BRD4: variants seen among roughly 807,000 people sequenced by gnomAD.
BRD4 encodes bromodomain containing 4.
In BRD4, 16 loss-of-function variants were observed where a neutral mutation model predicts 142.1. That is an observed-to-expected ratio of 0.11 (90% CI 0.08 to 0.17). BRD4 has a LOEUF of 0.17. Among genes scored for constraint, BRD4 ranks in the 10% least tolerant of loss-of-function variants. The pLI, the probability that BRD4 is intolerant of heterozygous loss-of-function variation, is 1.00. For synonymous variants in BRD4, 833 were observed against 707.5 expected (o/e 1.18, Z -2.82); for missense variants, 1,424 against 1,810.9 (o/e 0.79, Z 3.88).
chr19:15,267,382 G>C (rs1771313291), intron 4 of BRD4, 34 bp downstream of exon 4: 1 of 1,607,900 alleles, frequency 6.2e-7, no homozygotes, highest in East Asian at 2.2e-5. Flanking sequence ...AGGTCGGGGA[G>C]AAAGCCAATT....
Position 15,243,416 on chromosome 19 carries a change from C to A in BRD4, c.2653G>T (p.Ala885Ser), listed in dbSNP as rs769217775. The A allele has an allele frequency of 1.3e-6, 2 of 1,559,668 alleles. No homozygotes were observed. The highest frequency in any genetic ancestry group is 1.7e-6 in the Non-Finnish European group (2 of 1,155,904). The change falls in exon 14 of 20, where the codon GCC (alanine) becomes TCC (serine). Residue 885 changes from alanine (A) to serine (S), a missense_variant. By Grantham distance (99) the Ala-to-Ser change is moderately conservative (BLOSUM62 1). Transcript: ENST00000679869. ...NRAAALPPKP[A>S]RPPAVSPALT... Reference sequence around the variant, plus strand: ...GCTGGTGACACGGCTGGGGGCCGGGCGGGCTTGGGAGGCAGGGCAGCGGCT... The same window carrying A: ...GCTGGTGACACGGCTGGGGGCCGGGAGGGCTTGGGAGGCAGGGCAGCGGCT...
At chr19:15,251,829 T>C (rs1254524313) in intron 11 of BRD4, among the ~76,000 whole-genome samples, 2 of 152,128 alleles carry the variant, frequency 1.3e-5, no homozygotes, top group Admixed American at 6.5e-5. Context: ...AAGCCCCTGC[T>C]GGCCAGGATT....
intron 7 of BRD4, among the ~76,000 whole-genome samples, chr19:15,258,135 A>G (rs1212992713): frequency 6.6e-6 from 1 of 152,222 alleles, no homozygotes; most frequent in Non-Finnish European, 1.5e-5. Flanking sequence ...GTGGAAACAC[A>G]CCATGGCAAA....
Position 15,243,502 on chromosome 19 carries a change from C to A in BRD4, c.2582-15G>T. 3 of 1,542,198 alleles carry A rather than the reference C, an allele frequency of 1.9e-6. No individual in the cohort carries two copies. The highest frequency in any genetic ancestry group is 2.5e-5 in the South Asian group (2 of 79,306). On this transcript the variant is annotated splice_polypyrimidine_tract_variant and intron_variant, in intron 13 of 19. Transcript: ENST00000679869. ...GTTGTGCAAAGCTGGAAGAACACAA[C>A]ACCGAGGCGGTGAGGCCTGAGCACC... is the stretch of plus-strand genomic sequence containing the variant.
In BRD4 at chr19:15,255,559, G is replaced by T. The variant is rs772749936; in HGVS notation, c.1785C>A (p.Pro595=). The T allele has an allele frequency of 6.2e-7, 1 of 1,609,656 alleles. No individual in the cohort carries two copies. Among genetic ancestry groups the T allele is most frequent in the Non-Finnish European group, 8.5e-7 (1 of 1,176,224 alleles). The part of the protein sequence containing the change: ...KKEPAPMKSK[P]PPTYESEEED... ...CTTCCTCCGACTCATACGTGGGAGG[G>T]GGCTTGCTCTTCATGGGCGCTGGCT... Residue 595 remains proline (P), a synonymous_variant, in exon 10 of 20, where the codon CCC becomes CCA. Coordinates refer to ENST00000679869, the MANE Select transcript of BRD4 (RefSeq NM_001379291.1).
At chr19:15,296,944 C>A (rs1568402355) in intron 1 of BRD4, among the ~76,000 whole-genome samples, 1 of 152,098 alleles carries the variant, frequency 6.6e-6, no homozygotes, top group Non-Finnish European at 1.5e-5. Context: ...CCAACAGCCA[C>A]CACATGAAAC....
rs2047396651 is a variant in BRD4 at position 15,255,362 on chromosome 19, G to A, written c.1982C>T (p.Pro661Leu). ...EIEIDFETLK[P>L]STLRELERYV... ...GCGCTCCAGCTCACGCAGTGTGGAC[G>A]GCTTCAGGGTCTCAAAGTCGATTTC... The change falls in exon 10 of 20, where the codon CCG becomes CTG. Residue 661 changes from proline (P) to leucine (L), a missense_variant. By Grantham distance (98) the Pro-to-Leu change is moderately conservative. Around this residue, in one of 16 missense-constraint regions of BRD4, gnomAD observed 46 missense variants for 110.4 expected, o/e 0.42. Transcript: ENST00000679869. 3 of 1,613,968 alleles carry A rather than the reference G, an allele frequency of 1.9e-6. No homozygotes were observed. The highest frequency in any genetic ancestry group is 1.3e-5 in the African/African-American group (1 of 74,888).
At chr19:15,281,138 C>T (rs986501705) in intron 1 of BRD4, among the ~76,000 whole-genome samples, 2 of 152,216 alleles carry the variant, frequency 1.3e-5, no homozygotes, top group Non-Finnish European at 1.5e-5. Flanking sequence ...CAGACTGCGC[C>T]GCCTGGAGCC....
intron 11 of BRD4, chr19:15,247,280 C>T: frequency 4.3e-6 from 1 of 232,508 alleles, no homozygotes; most frequent in South Asian, 1.8e-4. Flanking sequence ...TCCCGCCCCT[C>T]CTCAGGACCC....
At chr19:15,312,586 C>T (rs146522209) in intron 1 of BRD4, among the ~76,000 whole-genome samples, 10 of 151,554 alleles carry the variant, frequency 6.6e-5, no homozygotes, top group African/African-American at 2.2e-4. Context: ...GAGCCGAGAT[C>T]GCACCATTGC....
At chr19:15,285,403 AGGCTT>A (rs1189490456) in intron 1 of BRD4, among the ~76,000 whole-genome samples, 5 of 152,206 alleles carry the variant, frequency 3.3e-5, no homozygotes, top group Non-Finnish European at 2.9e-5. Flanking sequence ...AAGATTAGCC[AGGCTT>A]GGTGGTGCAC....
At chr19:15,268,761 C>T (rs1207642906) in intron 3 of BRD4, 144 bp downstream of exon 3, 1 of 857,260 alleles carries the variant, frequency 1.2e-6, no homozygotes, top group East Asian at 2.7e-5. Context: ...GGTCTCATTA[C>T]CTCTACCTCC....
intron 1 of BRD4, among the ~76,000 whole-genome samples, chr19:15,306,064 T>C (rs1004092022): frequency 6.6e-6 from 1 of 152,238 alleles, no homozygotes; most frequent in African/African-American, 2.4e-5. Context: ...TAGATTAGGC[T>C]TTGGCTTAAG....
At chr19:15,290,328 G>C (rs1480132564) in intron 1 of BRD4, among the ~76,000 whole-genome samples, 1 of 152,176 alleles carries the variant, frequency 6.6e-6, no homozygotes, top group Non-Finnish European at 1.5e-5. Context: ...ACGCAGCACT[G>C]ACTTAGAATG....
At chr19:15,283,397 A>C (rs973282262) in intron 1 of BRD4, among the ~76,000 whole-genome samples, 1 of 152,194 alleles carries the variant, frequency 6.6e-6, no homozygotes, top group Non-Finnish European at 1.5e-5. Flanking sequence ...AAAGCATAAA[A>C]ACTAAGCTTA....
Position 15,267,568 on chromosome 19 carries a change from A to G in BRD4, c.424-17T>C. 1.2e-6 allele frequency: 2 copies of G among 1,611,214 alleles called. No homozygotes were observed. The highest frequency in any genetic ancestry group is 1.7e-6 in the Non-Finnish European group (2 of 1,179,638). On this transcript the variant is annotated splice_polypyrimidine_tract_variant and intron_variant, in intron 3 of 19. Coordinates refer to ENST00000679869, the MANE Select transcript of BRD4 (RefSeq NM_001379291.1). Reference sequence around the variant, plus strand: ...ATCTCCAGGCTGGATAAGGAGACACAGGGGTAGAGTCAGAGGGCCCTCCCC... The same window carrying G: ...ATCTCCAGGCTGGATAAGGAGACACGGGGGTAGAGTCAGAGGGCCCTCCCC...
intron 7 of BRD4, among the ~76,000 whole-genome samples, chr19:15,263,024 G>A (rs968621693): frequency 6.6e-6 from 1 of 152,124 alleles, no homozygotes; most frequent in Non-Finnish European, 1.5e-5. Context: ...AGGCTCTTAC[G>A]GCTCTGGTGG....
At chr19:15,319,720 C>G (rs1019575099) in intron 1 of BRD4, among the ~76,000 whole-genome samples, 2 of 152,078 alleles carry the variant, frequency 1.3e-5, no homozygotes, top group African/African-American at 4.8e-5. Context: ...CTGCTTAAGC[C>G]CAGGACTCCA....
At chr19:15,255,662 A>G (rs1263716431) in intron 9 of BRD4, 70 bp from the exon 10 acceptor site, 8 of 1,513,078 alleles carry the variant, frequency 5.3e-6, no homozygotes, top group African/African-American at 1.4e-5. Context: ...ATTCCTCCAC[A>G]TGTATGTTGG....
Sources: gnomAD v4.1 joint callset for allele counts (sites outside exome capture counted in the v4.1 genomes callset) on GRCh38, gnomAD v4.1.1 for gene constraint, gnomAD v4.1.1 regional missense constraint, MANE v1.5 for transcripts, NCBI Gene and HGNC (gene_info 2026-07-23, HGNC 2026-07-21) for gene names.